Variants in TSC2 observed in about 807,000 individuals in gnomAD.
The protein encoded by TSC2 is tuberin.
Under a neutral mutation model 202.2 loss-of-function variants are expected in TSC2, and 29 were observed. The observed-to-expected ratio is 0.14, with a 90% confidence interval of 0.11 to 0.20. The LOEUF (loss-of-function observed/expected upper bound fraction) is 0.20, where lower values mean the gene tolerates loss of function less well. Ranked by LOEUF, TSC2 falls within the 10% of genes least tolerant of loss-of-function variation. The pLI, the probability that TSC2 is intolerant of heterozygous loss-of-function variation, is 1.00. For synonymous variants in TSC2, 1,349 were observed against 1,044.0 expected (o/e 1.29, Z -5.63); for missense variants, 2,429 against 2,420.0 (o/e 1.00, Z -0.08).
Position 2,088,686 on chromosome 16 carries a change from T to C in TSC2, c.*76T>C, listed in dbSNP as rs548720772. 123 of 1,517,798 alleles carry C rather than the reference T, an allele frequency of 8.1e-5. 3 individuals are homozygous for C. The South Asian group carries it at 1.2e-3, about 14-fold the overall frequency. The allele number at this position is 1,517,798 out of a possible 1,614,324, so 94.0% of individuals were successfully genotyped here. ...GAAATAAATAAAGTCCTGACCCCAG[T>C]GCACAGACATAGAGGCACAGATTGC... On this transcript the variant is annotated 3_prime_UTR_variant, in exon 42 of 42. Coordinates refer to ENST00000219476, the MANE Select transcript of TSC2 (RefSeq NM_000548.5).
intron 11 of TSC2, 81 bp downstream of exon 11, chr16:2,060,894 G>A (rs2086559345): frequency 6.4e-7 from 1 of 1,560,762 alleles, no homozygotes; most frequent in South Asian, 1.1e-5. Context: ...GGTACCTTGG[G>A]CCCCATCTCT....
At chr16:2,054,725 G>T (rs572983757) in intron 5 of TSC2, 2 of 511,500 alleles carry the variant, frequency 3.9e-6, no homozygotes, top group East Asian at 7.2e-5. Flanking sequence ...GGCGAGTTCT[G>T]TCACTGGGAG....
At position 2,086,865 on chromosome 16, in the gene TSC2, C is replaced by T. The variant is rs35534817; in HGVS notation, c.4983C>T (p.Thr1661=). 4.0e-3 allele frequency: 6,408 copies of T among 1,589,816 alleles called. 225 individuals carry two copies. The African/African-American group carries it at 0.072, about 18-fold the overall frequency. The stretch of plus-strand genomic sequence containing the variant: ...CCGGTGAGGACTTCAAGCTTGGCAC[C>T]ATCAAGGTGAGTGAGGGGCCGTCAG... ...NDSGEDFKLG[T]IKGQFNFVHV... The change falls in exon 38 of 42, where the codon ACC becomes ACT. Residue 1661 remains threonine (T), a synonymous_variant. Transcript: ENST00000219476.
rs141728350 is a variant in TSC2 at position 2,074,310 on chromosome 16, G to A, written c.2466G>A (p.Ala822=). The A allele has an allele frequency of 6.8e-6, 11 of 1,612,986 alleles. No individual in the cohort carries two copies. Among genetic ancestry groups the A allele is most frequent in the East Asian group, 2.2e-5 (1 of 44,890 alleles). ...AGATGCCTGACATCATCATCAAGGC[G>A]CTGCCTGTTCTGGTGGTGAAGCTCA... The part of the protein sequence containing the change: ...SVEMPDIIIK[A]LPVLVVKLTH... Residue 822 remains alanine (A), a synonymous_variant, in exon 22 of 42, where the codon GCG becomes GCA. Transcript: ENST00000219476.
At chr16:2,086,973 G>A (rs1353504516) in intron 38 of TSC2, 102 bp downstream of exon 38, 2 of 1,519,936 alleles carry the variant, frequency 1.3e-6, no homozygotes, top group East Asian at 4.9e-5. Context: ...GTCACGAGGA[G>A]CAGGAGGAGA....
intron 19 of TSC2, 50 bp downstream of exon 19, chr16:2,071,984 C>A (rs746977016): frequency 6.5e-7 from 1 of 1,526,994 alleles, no homozygotes; most frequent in Non-Finnish European, 8.8e-7. Flanking sequence ...GCCAGGAGGA[C>A]AGGGAGCTGC....
Position 2,086,716 on chromosome 16 carries a change from C to G in TSC2, c.4850-16C>G, listed in dbSNP as rs755747804. The G allele has an allele frequency of 1.9e-6, 3 of 1,608,610 alleles. No homozygotes were observed. The highest frequency in any genetic ancestry group is 2.5e-6 in the Non-Finnish European group (3 of 1,179,924). ...GCACTGGCCCCACAAACCCATCCGGCCCTGCTCACCCTCAGCCGTCTTCCA... is the reference window on the plus strand; with the variant it reads ...GCACTGGCCCCACAAACCCATCCGGGCCTGCTCACCCTCAGCCGTCTTCCA... On this transcript the variant is annotated splice_polypyrimidine_tract_variant and intron_variant, in intron 37 of 41. Coordinates refer to ENST00000219476, the MANE Select transcript of TSC2 (RefSeq NM_000548.5).
rs1031153520 is a variant in TSC2, at chr16:2,058,772, C to T, written c.874C>T (p.Leu292=). ...AGCCTACATGGAGGACGCGCCCCTG[C>T]TGAGAGGAGCCGTGTTTTTTGTGGG... The part of the protein sequence containing the change: ...DRAYMEDAPL[L]RGAVFFVGMA... The change falls in exon 10 of 42, where the codon CTG becomes TTG. Residue 292 remains leucine (L), a synonymous_variant. Transcript: ENST00000219476. 1.9e-6 allele frequency: 3 copies of T among 1,589,712 alleles called. No homozygotes were observed. The African/African-American group carries it at 4.0e-5, about 21-fold the overall frequency.
chr16:2,060,520 C>T (rs1408601032), intron 10 of TSC2, 150 bp from the exon 11 acceptor site: 1 of 1,340,028 alleles, frequency 7.5e-7, no homozygotes, highest in African/African-American at 1.4e-5. Flanking sequence ...CTCCTGGGCG[C>T]CCCACCTGCT....
chr16:2,082,820 G>A (rs1174528260), intron 32 of TSC2: 3 of 499,722 alleles, frequency 6.0e-6, no homozygotes, highest in Non-Finnish European at 1.1e-5. Context: ...CTGATGGGTG[G>A]CAGCTGTTTA....
Position 2,064,403 on chromosome 16 carries a change from C to T in TSC2, c.1575C>T (p.Asn525=), listed in dbSNP as rs1060504098. The change falls in exon 15 of 42, where the codon AAC becomes AAT. Residue 525 remains asparagine, a synonymous_variant. Coordinates refer to ENST00000219476, the MANE Select transcript of TSC2 (RefSeq NM_000548.5). ...AGGGCTGCCACACACACCACTTCAA[C>T]AGCCTGCTGGACATCATCGAGAAGG... The part of the protein sequence containing the change: ...LAEGCHTHHF[N]SLLDIIEKVM... 6.2e-7 allele frequency: 1 copy of T among 1,613,612 alleles called. No individual in the cohort carries two copies. The highest frequency in any genetic ancestry group is 8.5e-7 in the Non-Finnish European group (1 of 1,180,040).
intron 16 of TSC2, chr16:2,066,336 T>G (rs1045126715): frequency 6.5e-5 from 10 of 152,732 alleles, no homozygotes; most frequent in African/African-American, 2.4e-4. Flanking sequence ...TGGCAGCTGT[T>G]GGTGCTCCCC....
intron 14 of TSC2, chr16:2,063,390 G>A (rs1006330741): frequency 4.1e-5 from 19 of 469,070 alleles, no homozygotes; most frequent in South Asian, 1.9e-4. Flanking sequence ...ATTGTCTTCC[G>A]TTTCAGTCCT....
At chr16:2,053,735 G>C (rs1323168536) in intron 4 of TSC2, 1 of 593,830 alleles carries the variant, frequency 1.7e-6, no homozygotes, top group Admixed American at 2.2e-5. Flanking sequence ...TGCTGAGATC[G>C]TACCTGGCAG....
intron 9 of TSC2, among the ~76,000 whole-genome samples, chr16:2,058,495 C>T (rs1219025686): frequency 6.6e-6 from 1 of 152,258 alleles, no homozygotes; most frequent in Admixed American, 6.5e-5. Context: ...TCCCTCTTGC[C>T]TGCTTCCTGT....
chr16:2,081,719 G>A lies in TSC2; in HGVS notation c.3735G>A (p.Arg1245=), dbSNP rs756959674. Residue 1245 remains arginine, a synonymous_variant, in exon 31 of 42, where the codon CGG becomes CGA. Transcript: ENST00000219476. ...LMAAERFKEH[R]DTALYKSLSV... ...CGGCTGAGCGCTTCAAGGAGCACCG[G>A]GACACAGCCCTGTACAAGTCACTGT... 2.5e-6 allele frequency: 4 copies of A among 1,612,970 alleles called. No homozygotes were observed. The highest frequency in any genetic ancestry group is 1.3e-5 in the African/African-American group (1 of 75,066).
At chr16:2,054,530 C>T (rs971311428) in intron 5 of TSC2, 90 bp downstream of exon 5, 102 of 1,587,316 alleles carry the variant, frequency 6.4e-5, no homozygotes, top group Admixed American at 1.3e-4. Context: ...GAGGGGCTGC[C>T]GTTCTCAGGG....
chr16:2,074,774 G>C lies in TSC2; in HGVS notation c.2545+385G>C, dbSNP rs142378952. ...TGTCCCTTCCCCTCACCGCCTGTGC[G>C]CATCTGGGCAGGCCCTCAATGTTGA... On this transcript the variant is annotated intron_variant, in intron 22 of 41. Coordinates refer to ENST00000219476, the MANE Select transcript of TSC2 (RefSeq NM_000548.5). 2,936 of 348,770 alleles carry C rather than the reference G, an allele frequency of 8.4e-3. 17 individuals are homozygous for C. Among genetic ancestry groups the C allele is most frequent in the Non-Finnish European group, 0.013 (2,371 of 180,082 alleles). The allele number at this position is 348,770 out of a possible 1,614,324, so 21.6% of individuals were successfully genotyped here. A position where few individuals can be genotyped will look rare whatever the true frequency, so the allele number is the denominator to read the frequency against.
intron 9 of TSC2, among the ~76,000 whole-genome samples, chr16:2,057,549 G>A (rs1225978504): frequency 6.6e-6 from 1 of 152,100 alleles, no homozygotes; most frequent in African/African-American, 2.4e-5. Flanking sequence ...ATTAGAGATG[G>A]CTCAGCTCTG....
Sources: allele counts gnomAD v4.1 joint callset (sites outside exome capture counted in the v4.1 genomes callset), GRCh38; gene constraint gnomAD v4.1.1; transcripts MANE v1.5; gene names NCBI Gene and HGNC (gene_info 2026-07-23, HGNC 2026-07-21).